ETNK1: variants seen among roughly 807,000 people sequenced by gnomAD.
ETNK1 encodes the protein putative protein product of Nbla10396.
In ETNK1, 8 loss-of-function variants were observed where a neutral mutation model predicts 45.1. The ratio of observed to expected loss-of-function variants is 0.18; its 90% CI spans 0.10 to 0.32. The LOEUF is 0.32. ETNK1 is among the 10% of genes least tolerant of loss of function. The pLI, the probability that ETNK1 is intolerant of heterozygous loss-of-function variation, is 1.00. For synonymous variants in ETNK1, 152 were observed against 151.9 expected (o/e 1.00, Z -0.01); for missense variants, 302 against 430.6 (o/e 0.70, Z 2.64).
At chr12:22,639,422 A>G (rs2137528389) in intron 1 of ETNK1, among the ~76,000 whole-genome samples, 1 of 152,210 alleles carries the variant, frequency 6.6e-6, no homozygotes, top group South Asian at 2.1e-4. Context: ...CACACATGTA[A>G]TCCTAGCACT....
At chr12:22,648,866 A>G (rs1260117856) in intron 2 of ETNK1, among the ~76,000 whole-genome samples, 3 of 152,098 alleles carry the variant, frequency 2.0e-5, no homozygotes, top group Admixed American at 6.6e-5. Context: ...CTGTTGCTCC[A>G]CATCCTCACC....
At chr12:22,629,576 G>T (rs2137512122) in intron 1 of ETNK1, among the ~76,000 whole-genome samples, 1 of 152,168 alleles carries the variant, frequency 6.6e-6, no homozygotes, top group South Asian at 2.1e-4. Flanking sequence ...AGAAGAAAAA[G>T]CCAGATCTAT....
intron 6 of ETNK1, among the ~76,000 whole-genome samples, chr12:22,677,386 A>G (rs930616907): frequency 6.6e-6 from 1 of 152,204 alleles, no homozygotes; most frequent in African/African-American, 2.4e-5. Flanking sequence ...TTTTGGTACC[A>G]GTACCATGCT....
At position 22,625,591 on chromosome 12, in the gene ETNK1, C is replaced by A; in HGVS notation, c.156+5C>A. On this transcript the variant is annotated splice_donor_5th_base_variant and intron_variant, in intron 1 of 7. Transcript: ENST00000266517. ...CCCCAGGAGGTGACCCTGCAGGTAA[C>A]GCCCACACCTCAGCTCTGGGTCTCT... 1 of 1,576,858 alleles carries A rather than the reference C, an allele frequency of 6.3e-7. No homozygotes were observed. The highest frequency in any genetic ancestry group is 8.6e-7 in the Non-Finnish European group (1 of 1,162,292).
intron 5 of ETNK1, among the ~76,000 whole-genome samples, chr12:22,671,745 A>C (rs1342332700): frequency 6.6e-6 from 1 of 151,280 alleles, no homozygotes; most frequent in Non-Finnish European, 1.5e-5. Context: ...AGGCTGAGGC[A>C]GGAGAATGGC....
chr12:22,636,938 T>C (rs1183773744), intron 1 of ETNK1, among the ~76,000 whole-genome samples: 1 of 152,168 alleles, frequency 6.6e-6, no homozygotes, highest in Non-Finnish European at 1.5e-5. Flanking sequence ...GCTTGAGCAT[T>C]TGTAGATTTT....
chr12:22,643,044 C>T (rs1240242461), intron 1 of ETNK1, among the ~76,000 whole-genome samples: 1 of 151,970 alleles, frequency 6.6e-6, no homozygotes, highest in African/African-American at 2.4e-5. Context: ...ATAGAAATCT[C>T]TACTTACCTC....
chr12:22,677,586 T>A (rs1954174064), intron 6 of ETNK1, among the ~76,000 whole-genome samples: 2 of 152,250 alleles, frequency 1.3e-5, no homozygotes, highest in Non-Finnish European at 2.9e-5. Context: ...ATTGAATCTG[T>A]AAGTTACTTT....
intron 1 of ETNK1, among the ~76,000 whole-genome samples, chr12:22,631,082 T>C: frequency 6.6e-6 from 1 of 152,172 alleles, no homozygotes; most frequent in East Asian, 1.9e-4. Flanking sequence ...ATCAATATAG[T>C]GTCTTGAGAC....
chr12:22,656,832 C>A, intron 2 of ETNK1: 2 of 974,616 alleles, frequency 2.1e-6, no homozygotes, highest in Non-Finnish European at 2.4e-6. Flanking sequence ...ATCTGTGACG[C>A]CCTCCTAAAT....
rs556176256 is a variant in ETNK1, at chr12:22,643,011, A to G, written c.157-752A>G. On this transcript the variant is annotated intron_variant, in intron 1 of 7. Coordinates refer to ENST00000266517, the MANE Select transcript of ETNK1 (RefSeq NM_018638.5). ...TGACTTAAAGGTCTTGACAAGCCCC[A>G]AAAGTCTTATTTAAAAAATACCATA... is the stretch of plus-strand genomic sequence containing the variant. 1.1e-4 allele frequency among the ~76,000 whole-genome samples: 16 copies of G among 152,172 alleles called. 1 individual carries two copies. Among genetic ancestry groups the G allele is most frequent in the African/African-American group, 3.8e-4 (16 of 41,566 alleles).
chr12:22,669,109 T>A (rs1369824326), intron 4 of ETNK1, among the ~76,000 whole-genome samples: 1 of 152,150 alleles, frequency 6.6e-6, no homozygotes, highest in Non-Finnish European at 1.5e-5. Flanking sequence ...AGCTGCAGAT[T>A]TAAAAAATTA....
At chr12:22,633,725 A>T (rs1953614580) in intron 1 of ETNK1, among the ~76,000 whole-genome samples, 1 of 147,078 alleles carries the variant, frequency 6.8e-6, no homozygotes, top group South Asian at 2.2e-4. Context: ...TGGAGATCTC[A>T]CGTGTTTTAT....
intron 2 of ETNK1, among the ~76,000 whole-genome samples, chr12:22,652,566 A>G (rs1275001628): frequency 1.3e-5 from 2 of 152,160 alleles, no homozygotes; most frequent in Non-Finnish European, 2.9e-5. Flanking sequence ...GTGGTATCAC[A>G]TTGTGCTTTT....
chr12:22,633,758 C>T (rs1002896977), intron 1 of ETNK1, among the ~76,000 whole-genome samples: 8 of 152,008 alleles, frequency 5.3e-5, no homozygotes, highest in South Asian at 2.1e-4. Flanking sequence ...TAGGTGTTGA[C>T]GCTTTTTGAT....
At chr12:22,632,842 A>G (rs982969917) in intron 1 of ETNK1, among the ~76,000 whole-genome samples, 1 of 152,136 alleles carries the variant, frequency 6.6e-6, no homozygotes, top group African/African-American at 2.4e-5. Context: ...TAATGGCATC[A>G]TATGAAATAT....
rs149028687 is a variant in ETNK1 at position 22,641,648 on chromosome 12, C to A, written c.157-2115C>A. 4.8e-3 allele frequency among the ~76,000 whole-genome samples: 722 copies of A among 151,844 alleles called. 5 individuals are homozygous for A. The highest frequency in any genetic ancestry group is 6.4e-3 in the Non-Finnish European group (437 of 67,930). ...GTAAAACTACAAGTTAGTAAACATA[C>A]CTAAGTCAAAAGAAAAAAGGTTAAA... On this transcript the variant is annotated intron_variant, in intron 1 of 7. Transcript: ENST00000266517.
At chr12:22,657,138 A>G (rs1476202352) in intron 2 of ETNK1, among the ~76,000 whole-genome samples, 2 of 152,158 alleles carry the variant, frequency 1.3e-5, no homozygotes, top group African/African-American at 4.8e-5. Context: ...CTTTCTGCCT[A>G]TATATGAGAC....
intron 2 of ETNK1, among the ~76,000 whole-genome samples, chr12:22,653,956 C>T (rs905747647): frequency 3.3e-5 from 5 of 152,174 alleles, no homozygotes; most frequent in African/African-American, 1.2e-4. Context: ...CAACTTCCTT[C>T]CTTTCTGCTA....
Sources: allele counts gnomAD v4.1 joint callset (sites outside exome capture counted in the v4.1 genomes callset), GRCh38; gene constraint gnomAD v4.1.1; transcripts MANE v1.5; gene names NCBI Gene and HGNC (gene_info 2026-07-23, HGNC 2026-07-21).